Variants in C9orf153 observed in about 807,000 individuals in gnomAD.
C9orf153 encodes uncharacterized protein C9orf153.
Under a neutral mutation model 9.0 loss-of-function variants are expected in C9orf153, and 10 were observed. The ratio of observed to expected loss-of-function variants is 1.11; its 90% confidence interval spans 0.69 to 1.89. The LOEUF (loss-of-function observed/expected upper bound fraction) is 1.89, where lower values mean the gene tolerates loss of function less well. Ranked by LOEUF, C9orf153 falls within the 40% of genes most tolerant of loss-of-function variation. The probability of loss-of-function intolerance (pLI) is 0.00; values close to 1 mark genes in which losing one functional copy is unlikely to be tolerated. For missense variants in C9orf153, 108 were observed against 111.0 expected, an observed-to-expected ratio of 0.97 and a Z score of 0.12; for synonymous variants, 35 against 37.3, an observed-to-expected ratio of 0.94 and a Z score of 0.23.
intron 1 of C9orf153, among the ~76,000 whole-genome samples, chr9:86,237,478 G>T (rs1410701423): frequency 1.3e-5 from 2 of 152,056 alleles, no homozygotes; most frequent in African/African-American, 4.8e-5. Context: ...AATGAGATGG[G>T]GTCTATGTTG....
chr9:86,223,148 AAAGG>A (rs1476453626), intron 3 of C9orf153, among the ~76,000 whole-genome samples: 1 of 152,148 alleles, frequency 6.6e-6, no homozygotes, highest in African/African-American at 2.4e-5. Context: ...AGTGGTGGCA[AAAGG>A]AAGGAAGGGG....
intron 1 of C9orf153, among the ~76,000 whole-genome samples, chr9:86,232,266 T>C (rs1170228777): frequency 6.6e-6 from 1 of 152,224 alleles, no homozygotes; most frequent in African/African-American, 2.4e-5. Context: ...GGATTCCGAA[T>C]GCTGAAACAG....
intron 1 of C9orf153, among the ~76,000 whole-genome samples, chr9:86,236,953 AAAAC>A (rs1824609727): frequency 6.6e-6 from 1 of 151,448 alleles, no homozygotes; most frequent in African/African-American, 2.4e-5. Context: ...AAAAAAAAAA[AAAAC>A]AAAATATAAT....
At chr9:86,229,177 T>C (rs1251351580) in intron 2 of C9orf153, among the ~76,000 whole-genome samples, 2 of 151,786 alleles carry the variant, frequency 1.3e-5, no homozygotes, top group African/African-American at 2.4e-5. Context: ...AGTTAAATAG[T>C]GTGATGTTTG....
intron 1 of C9orf153, among the ~76,000 whole-genome samples, chr9:86,233,329 C>T (rs1824510570): frequency 6.6e-6 from 1 of 152,154 alleles, no homozygotes; most frequent in African/African-American, 2.4e-5. Flanking sequence ...CATTTAGCTT[C>T]CACCTGGCTG....
intron 1 of C9orf153, among the ~76,000 whole-genome samples, chr9:86,235,686 G>A (rs573253189): frequency 3.1e-5 from 4 of 129,468 alleles, no homozygotes; most frequent in Non-Finnish European, 6.2e-5. Flanking sequence ...AGGTTGCACT[G>A]AGCCAAGATC....
At chr9:86,233,493 T>C (rs62573361) in intron 1 of C9orf153, among the ~76,000 whole-genome samples, 30,721 of 152,038 alleles carry the variant, frequency 0.2, 3,209 homozygotes, top group Middle Eastern at 0.34. Context: ...CTCGGCTCAC[T>C]GCAACCTCCG....
At chr9:86,221,990 A>T (rs1053193946) in intron 3 of C9orf153, among the ~76,000 whole-genome samples, 40 of 152,044 alleles carry the variant, frequency 2.6e-4, no homozygotes, top group Non-Finnish European at 5.1e-4. Context: ...GGTTCAAATG[A>T]TTCTCCTGCC....
chr9:86,234,719 C>G (rs1176343945), intron 1 of C9orf153, among the ~76,000 whole-genome samples: 1 of 152,176 alleles, frequency 6.6e-6, no homozygotes, highest in Non-Finnish European at 1.5e-5. Context: ...AGTTGGACTT[C>G]ATCACAATTA....
chr9:86,240,707 CTTT>C (rs367674249), intron 1 of C9orf153, among the ~76,000 whole-genome samples: 23,000 of 115,806 alleles, frequency 0.2, 1,979 homozygotes, highest in East Asian at 0.32. Context: ...TTTTCTTTTT[CTTT>C]TTTTTTTTTT....
At chr9:86,231,318 A>C (rs1054963279) in intron 1 of C9orf153, among the ~76,000 whole-genome samples, 6 of 152,268 alleles carry the variant, frequency 3.9e-5, no homozygotes, top group African/African-American at 1.4e-4. Flanking sequence ...AAACCCCATA[A>C]AACTTCACAT....
At chr9:86,229,218 A>G (rs1239461475) in intron 2 of C9orf153, among the ~76,000 whole-genome samples, 2 of 150,046 alleles carry the variant, frequency 1.3e-5, no homozygotes, top group Non-Finnish European at 3.0e-5. Context: ...TAGCCTGGAA[A>G]TTGGGCTGGA....
intron 3 of C9orf153, chr9:86,227,311 T>A: frequency 1.4e-6 from 2 of 1,435,448 alleles, no homozygotes; most frequent in Non-Finnish European, 1.8e-6. Flanking sequence ...CAAGCTCAGC[T>A]AATTTTTATT....
intron 1 of C9orf153, among the ~76,000 whole-genome samples, chr9:86,246,233 G>A (rs937190674): frequency 6.6e-6 from 1 of 152,160 alleles, no homozygotes; most frequent in African/African-American, 2.4e-5. Flanking sequence ...GGTTGTATTT[G>A]CCTTGGAAAG....
intron 2 of C9orf153, among the ~76,000 whole-genome samples, chr9:86,229,270 A>AG (rs1286254676): frequency 2.0e-5 from 3 of 151,714 alleles, no homozygotes; most frequent in Admixed American, 6.6e-5. Context: ...GAAAAAAAAA[A>AG]AAAAGAAAGT....
rs532550703 is a variant in C9orf153, at chr9:86,222,986, G to A, written c.243-1253C>T. Among the ~76,000 whole-genome samples, 5 of 152,282 alleles carry A rather than the reference G, an allele frequency of 3.3e-5. No homozygotes were observed. In the South Asian group the frequency reaches 1.0e-3, roughly 32 times the overall value. Reference sequence around the variant, plus strand: ...CTTTATATAGACTTTGTACATGTCTGAAGTAGAAGACAGGTGCCAGAGACT... The same window carrying A: ...CTTTATATAGACTTTGTACATGTCTAAAGTAGAAGACAGGTGCCAGAGACT... On this transcript the variant is annotated intron_variant, in intron 3 of 3. Coordinates refer to ENST00000339137, the MANE Select transcript of C9orf153 (RefSeq NM_001276366.4).
At chr9:86,235,719 G>A (rs1242553676) in intron 1 of C9orf153, among the ~76,000 whole-genome samples, 1 of 120,594 alleles carries the variant, frequency 8.3e-6, no homozygotes, top group East Asian at 2.5e-4. Flanking sequence ...TCCAGCCTGG[G>A]TGACAGAGCA....
At chr9:86,231,100 A>C (rs972303257) in intron 1 of C9orf153, among the ~76,000 whole-genome samples, 1 of 152,124 alleles carries the variant, frequency 6.6e-6, no homozygotes, top group Non-Finnish European at 1.5e-5. Flanking sequence ...TGACCACTAG[A>C]CATGTAGATA....
At chr9:86,257,895 C>T (rs528304913) in intron 1 of C9orf153, among the ~76,000 whole-genome samples, 4 of 152,198 alleles carry the variant, frequency 2.6e-5, no homozygotes, top group Admixed American at 6.5e-5. Flanking sequence ...AGGGAATGAG[C>T]GGTGTGGGCA....
Sources: allele counts gnomAD v4.1 joint callset (sites outside exome capture counted in the v4.1 genomes callset), GRCh38; gene constraint gnomAD v4.1.1; transcripts MANE v1.5; gene names NCBI Gene and HGNC (gene_info 2026-07-23, HGNC 2026-07-21).